The following SERPINB11 variants were observed in gnomAD, a reference collection of about 807,000 sequenced individuals.
The protein encoded by SERPINB11 is serpin B11.
A neutral mutation model predicts 36.7 loss-of-function variants in SERPINB11; 32 were observed. The ratio of observed to expected loss-of-function variants is 0.87; its 90% CI spans 0.66 to 1.17. The LOEUF is 1.17. Ranked by LOEUF, SERPINB11 falls within the 50% of genes most tolerant of loss-of-function variation. The probability of loss-of-function intolerance (pLI) is 0.00; values close to 1 mark genes in which losing one functional copy is unlikely to be tolerated. For synonymous variants in SERPINB11, 174 were observed against 168.1 expected, an observed-to-expected ratio of 1.04 and a Z score of -0.27; for missense variants, 528 against 458.4, an observed-to-expected ratio of 1.15 and a Z score of -1.39.
At chr18:63,718,566 G>A (rs1475212930) in intron 5 of SERPINB11, among the ~76,000 whole-genome samples, 1 of 151,838 alleles carries the variant, frequency 6.6e-6, no homozygotes, top group Non-Finnish European at 1.5e-5. Context: ...TATTATTTTG[G>A]TTTATTTGTT....
intron 5 of SERPINB11, among the ~76,000 whole-genome samples, chr18:63,718,881 A>AG (rs1914734340): frequency 6.6e-6 from 1 of 151,768 alleles, no homozygotes; most frequent in Admixed American, 6.6e-5. Flanking sequence ...CTGTTAATTT[A>AG]CTTAGCACAG....
intron 1 of SERPINB11, among the ~76,000 whole-genome samples, chr18:63,707,820 A>G (rs1169483477): frequency 6.6e-6 from 1 of 152,248 alleles, no homozygotes; most frequent in Non-Finnish European, 1.5e-5. Flanking sequence ...TAAAAACAAA[A>G]CAAAGACCTT....
chr18:63,710,962 A>G (rs144198732), intron 2 of SERPINB11, among the ~76,000 whole-genome samples: 85 of 152,316 alleles, frequency 5.6e-4, no homozygotes, highest in African/African-American at 1.9e-3. Context: ...CTGGGAAACC[A>G]TGTAAGGTCT....
rs773404021 is a variant in SERPINB11, at chr18:63,711,358, A to G, written c.192A>G (p.Val64=). The change falls in exon 3 of 8, where the codon GTA becomes GTG. Residue 64 remains valine (V), a synonymous_variant. Transcript: ENST00000544088. ...LEKVLHFSHT[V]DSLKPGFKDS... ...AGGTGCTTCATTTTAGTCATACTGT[A>G]GACTCATTAAAACCAGGGTTCAAGG... The G allele has an allele frequency of 2.5e-6, 4 of 1,611,070 alleles. No homozygotes were observed. The highest frequency in any genetic ancestry group is 3.4e-6 in the Non-Finnish European group (4 of 1,177,926).
At chr18:63,716,247 C>G (rs1914665568) in intron 5 of SERPINB11, 95 bp downstream of exon 5, 6 of 720,166 alleles carry the variant, frequency 8.3e-6, no homozygotes, top group Non-Finnish European at 1.4e-5. Flanking sequence ...GAAGTCTGCA[C>G]CTGACATAGG....
intron 5 of SERPINB11, among the ~76,000 whole-genome samples, chr18:63,717,764 C>T (rs1914705992): frequency 6.6e-6 from 1 of 151,806 alleles, no homozygotes; most frequent in African/African-American, 2.4e-5. Flanking sequence ...GTAACTTCTA[C>T]TATTTTGCAT....
intron 4 of SERPINB11, among the ~76,000 whole-genome samples, chr18:63,714,746 C>T (rs1230346760): frequency 6.6e-6 from 1 of 152,004 alleles, no homozygotes; most frequent in East Asian, 1.9e-4. Context: ...TTCAAGTTGC[C>T]CAGATTTCAT....
chr18:63,719,087 A>C (rs1914739862), intron 5 of SERPINB11, among the ~76,000 whole-genome samples: 1 of 152,130 alleles, frequency 6.6e-6, no homozygotes, highest in South Asian at 2.1e-4. Flanking sequence ...ATTTAGTGCT[A>C]CAGTGCCTAG....
Position 63,716,060 on chromosome 18 carries a change from G to C in SERPINB11, c.383G>C (p.Trp128Ser), listed in dbSNP as rs1177671485. 6.2e-7 allele frequency: 1 copy of C among 1,610,324 alleles called. No individual in the cohort carries two copies. The highest frequency in any genetic ancestry group is 8.5e-7 in the Non-Finnish European group (1 of 1,177,584). The change falls in exon 5 of 8, where the codon TGG becomes TCG. Residue 128 changes from tryptophan (W) to serine (S), a missense_variant. Trp to Ser is a radical substitution (Grantham distance 177, BLOSUM62 -3). Coordinates refer to ENST00000544088, the MANE Select transcript of SERPINB11 (RefSeq NM_001370475.1). Reference protein sequence around the residue: ...HQQYLSCSEKWYQARLQTVDF... With the variant: ...HQQYLSCSEKSYQARLQTVDF... Reference sequence around the variant, plus strand: ...CAATATTTAAGCTGTTCTGAGAAATGGTATCAAGCCAGGTTGCAAACTGTG... The same window carrying C: ...CAATATTTAAGCTGTTCTGAGAAATCGTATCAAGCCAGGTTGCAAACTGTG...
chr18:63,719,014 C>A (rs1048756106), intron 5 of SERPINB11, among the ~76,000 whole-genome samples: 4 of 151,940 alleles, frequency 2.6e-5, no homozygotes, highest in African/African-American at 9.7e-5. Context: ...ACAATTGAGC[C>A]AGTAGACACT....
intron 4 of SERPINB11, among the ~76,000 whole-genome samples, chr18:63,713,538 T>A (rs1320910683): frequency 6.6e-6 from 1 of 152,216 alleles, no homozygotes; most frequent in East Asian, 1.9e-4. Flanking sequence ...GAGTTTCTAA[T>A]GTTCTTCCCT....
chr18:63,708,486 T>A (rs1009490274), intron 1 of SERPINB11, among the ~76,000 whole-genome samples: 13 of 151,396 alleles, frequency 8.6e-5, no homozygotes, highest in Non-Finnish European at 1.5e-4. Flanking sequence ...TGACTAAGAG[T>A]GAGAATAAGA....
intron 1 of SERPINB11, among the ~76,000 whole-genome samples, chr18:63,706,316 A>G (rs989264911): frequency 3.9e-5 from 6 of 152,252 alleles, no homozygotes; most frequent in African/African-American, 7.2e-5. Context: ...GATTAAAAGC[A>G]TGACATAAAT....
At chr18:63,717,092 T>A (rs1265339935) in intron 5 of SERPINB11, among the ~76,000 whole-genome samples, 1 of 152,086 alleles carries the variant, frequency 6.6e-6, no homozygotes, top group Non-Finnish European at 1.5e-5. Flanking sequence ...CTGACTTCTG[T>A]TACCACTTAT....
rs1211561741 is a variant in SERPINB11, at chr18:63,709,005, C to G, written c.-15-1174C>G. 3.3e-5 allele frequency among the ~76,000 whole-genome samples: 5 copies of G among 152,218 alleles called. No homozygotes were observed. The East Asian group carries it at 7.7e-4, about 23-fold the overall frequency. On this transcript the variant is annotated intron_variant, in intron 1 of 7. Transcript: ENST00000544088. ...GAGGCTCCTGAAGAATGACGTCTCC[C>G]TGAGATCAGAAACTATTCTTGATTG...
intron 5 of SERPINB11, among the ~76,000 whole-genome samples, chr18:63,717,893 T>C (rs985781149): frequency 2.0e-5 from 3 of 152,038 alleles, no homozygotes; most frequent in Non-Finnish European, 2.9e-5. Context: ...TTTTGGACGA[T>C]TTTAAAGAAA....
intron 2 of SERPINB11, 50 bp downstream of exon 2, chr18:63,710,411 C>G: frequency 6.8e-7 from 1 of 1,478,960 alleles, no homozygotes; most frequent in Non-Finnish European, 9.1e-7. Flanking sequence ...CTTTCATGCT[C>G]CCGCTCTGGG....
intron 7 of SERPINB11, among the ~76,000 whole-genome samples, chr18:63,721,352 C>G (rs989965343): frequency 4.7e-5 from 6 of 128,040 alleles, no homozygotes; most frequent in African/African-American, 9.9e-5. Flanking sequence ...CCATTTTACT[C>G]TGGGGGCAGT....
Position 63,710,369 on chromosome 18 carries a change from A to T in SERPINB11, c.168+8A>T. On this transcript the variant is annotated splice_region_variant and intron_variant, in intron 2 of 7. Coordinates refer to ENST00000544088, the MANE Select transcript of SERPINB11 (RefSeq NM_001370475.1). ...GAAGAGCAATTGGAGAAGGTATGGA[A>T]TTCCTCAGAGGTTTGTTCAGAACCC... 6.2e-7 allele frequency: 1 copy of T among 1,607,724 alleles called. No individual in the cohort carries two copies.
Sources: gnomAD v4.1 joint callset for allele counts (sites outside exome capture counted in the v4.1 genomes callset) on GRCh38, gnomAD v4.1.1 for gene constraint, MANE v1.5 for transcripts, NCBI Gene and HGNC (gene_info 2026-07-23, HGNC 2026-07-21) for gene names.